CCDC148: variants seen among roughly 807,000 people sequenced by gnomAD.
CCDC148 encodes the protein coiled-coil domain containing 148.
In CCDC148, 89 loss-of-function variants were observed where a neutral mutation model predicts 85.7. The ratio of observed to expected loss-of-function variants is 1.04; its 90% CI spans 0.87 to 1.24. CCDC148 has a LOEUF of 1.24. CCDC148 is among the 50% of genes most tolerant of loss of function. The pLI is 0.00. For synonymous variants in CCDC148, 230 were observed against 213.9 expected (o/e 1.08, Z -0.66); for missense variants, 692 against 671.7 (o/e 1.03, Z -0.33).
At chr2:158,406,201 T>TG (rs1685990071) in intron 1 of CCDC148, among the ~76,000 whole-genome samples, 1 of 152,180 alleles carries the variant, frequency 6.6e-6, no homozygotes, top group South Asian at 2.1e-4. Context: ...GTAGGGGCTC[T>TG]GGCTTGCAAG....
chr2:158,186,994 G>T (rs1161946429), intron 11 of CCDC148, among the ~76,000 whole-genome samples: 1 of 151,896 alleles, frequency 6.6e-6, no homozygotes, highest in Non-Finnish European at 1.5e-5. Context: ...AAATTATTAT[G>T]TACTAATGAA....
chr2:158,241,192 C>A (rs1044650801), intron 10 of CCDC148, among the ~76,000 whole-genome samples: 3 of 152,134 alleles, frequency 2.0e-5, no homozygotes, highest in African/African-American at 7.2e-5. Context: ...TGTGTGTGTA[C>A]ACATGCATAT....
At chr2:158,377,105 T>C (rs900327021) in intron 1 of CCDC148, among the ~76,000 whole-genome samples, 2 of 152,000 alleles carry the variant, frequency 1.3e-5, no homozygotes, top group Non-Finnish European at 2.9e-5. Context: ...TTTCATAATC[T>C]CTTTGCACAA....
intron 1 of CCDC148, among the ~76,000 whole-genome samples, chr2:158,442,693 C>G (rs1474775466): frequency 6.6e-6 from 1 of 152,196 alleles, no homozygotes; most frequent in African/African-American, 2.4e-5. Flanking sequence ...AGTGTTGTTC[C>G]CCTGCTTCAG....
intron 1 of CCDC148, among the ~76,000 whole-genome samples, chr2:158,431,158 A>C (rs964790735): frequency 1.3e-5 from 2 of 152,046 alleles, no homozygotes; most frequent in Non-Finnish European, 2.9e-5. Flanking sequence ...GAGGAAAAAA[A>C]TAATTTAAAA....
intron 1 of CCDC148, among the ~76,000 whole-genome samples, chr2:158,398,140 A>G (rs747586662): frequency 7.9e-5 from 12 of 152,134 alleles, no homozygotes; most frequent in Non-Finnish European, 1.2e-4. Flanking sequence ...GTTCTTAGAG[A>G]CCTACAAAGA....
intron 9 of CCDC148, among the ~76,000 whole-genome samples, chr2:158,303,487 G>C (rs549339752): frequency 1.3e-5 from 2 of 151,784 alleles, no homozygotes; most frequent in African/African-American, 4.8e-5. Flanking sequence ...TTTCCTTCCA[G>C]GTTAAAAAAA....
At chr2:158,351,813 C>T (rs1328643603) in intron 2 of CCDC148, among the ~76,000 whole-genome samples, 6 of 151,790 alleles carry the variant, frequency 4.0e-5, no homozygotes, top group African/African-American at 1.5e-4. Flanking sequence ...CCTCTGCAGA[C>T]TTAAATGTCC....
At chr2:158,278,707 C>A (rs535683293) in intron 9 of CCDC148, among the ~76,000 whole-genome samples, 1 of 152,248 alleles carries the variant, frequency 6.6e-6, no homozygotes, top group Non-Finnish European at 1.5e-5. Flanking sequence ...AGGGCACAGA[C>A]AAACAAAAAG....
intron 2 of CCDC148, among the ~76,000 whole-genome samples, chr2:158,353,033 T>C (rs1172691550): frequency 6.7e-6 from 1 of 149,740 alleles, no homozygotes; most frequent in African/African-American, 2.5e-5. Flanking sequence ...TGCTGAGAGA[T>C]TTTGTCACCA....
At chr2:158,384,626 C>T (rs1382231590) in intron 1 of CCDC148, among the ~76,000 whole-genome samples, 1 of 152,176 alleles carries the variant, frequency 6.6e-6, no homozygotes. Flanking sequence ...GCATGTGGAA[C>T]TGTGAGTCAA....
chr2:158,443,049 TG>T (rs1410709712), intron 1 of CCDC148, among the ~76,000 whole-genome samples: 1 of 152,162 alleles, frequency 6.6e-6, no homozygotes, highest in East Asian at 1.9e-4. Context: ...TTTGTTTGTT[TG>T]TTTGTTTGTT....
chr2:158,344,598 C>T (rs1682901520), intron 3 of CCDC148, among the ~76,000 whole-genome samples: 1 of 151,900 alleles, frequency 6.6e-6, no homozygotes, highest in Non-Finnish European at 1.5e-5. Flanking sequence ...TTTGCCTTGA[C>T]CTTTGAAAAA....
intron 9 of CCDC148, among the ~76,000 whole-genome samples, chr2:158,272,889 T>A (rs1689761722): frequency 6.6e-6 from 1 of 152,218 alleles, no homozygotes; most frequent in Non-Finnish European, 1.5e-5. Context: ...GATATATTAA[T>A]TAGCATGACT....
chr2:158,212,757 T>C (rs1406931991), intron 11 of CCDC148, among the ~76,000 whole-genome samples: 1 of 152,166 alleles, frequency 6.6e-6, no homozygotes, highest in Non-Finnish European at 1.5e-5. Flanking sequence ...CATAACTGGG[T>C]TGTTAGAAAA....
intron 1 of CCDC148, among the ~76,000 whole-genome samples, chr2:158,453,112 AT>A (rs1559155318): frequency 6.6e-6 from 1 of 152,226 alleles, no homozygotes; most frequent in Non-Finnish European, 1.5e-5. Context: ...ACTAATAAAT[AT>A]TGGCTTTTCT....
At chr2:158,361,409 T>C (rs1368382644) in intron 1 of CCDC148, among the ~76,000 whole-genome samples, 2 of 152,106 alleles carry the variant, frequency 1.3e-5, no homozygotes, top group African/African-American at 4.8e-5. Flanking sequence ...GAAAAAATGT[T>C]AAGGGCAGTC....
chr2:158,349,359 G>C (rs1683148710), intron 2 of CCDC148, among the ~76,000 whole-genome samples: 1 of 151,802 alleles, frequency 6.6e-6, no homozygotes, highest in Non-Finnish European at 1.5e-5. Context: ...CAGGGAAGTA[G>C]GCTGATAATA....
intron 9 of CCDC148, among the ~76,000 whole-genome samples, chr2:158,289,382 A>C (rs1184109325): frequency 6.6e-6 from 1 of 152,228 alleles, no homozygotes; most frequent in Admixed American, 6.5e-5. Flanking sequence ...GATAAGAAAA[A>C]GTGGGGTAAC....
Sources: allele counts gnomAD v4.1 joint callset (sites outside exome capture counted in the v4.1 genomes callset), GRCh38; gene constraint gnomAD v4.1.1; transcripts MANE v1.5; gene names NCBI Gene and HGNC (gene_info 2026-07-23, HGNC 2026-07-21).